TCF12: variants seen among roughly 807,000 people sequenced by gnomAD.
The protein encoded by TCF12 is transcription factor 12.
In TCF12, 45 loss-of-function variants were observed where a neutral mutation model predicts 86.0. The ratio of observed to expected loss-of-function variants is 0.52; its 90% CI spans 0.41 to 0.67. The LOEUF is 0.67. Ranked by LOEUF, TCF12 falls within the 30% of genes least tolerant of loss-of-function variation. TCF12 has a pLI of 0.00. For missense variants in TCF12, 881 were observed against 859.9 expected (o/e 1.02, Z -0.31); for synonymous variants, 330 against 299.6 (o/e 1.10, Z -1.05).
At chr15:57,064,060 T>C (rs2068661928) in intron 4 of TCF12, among the ~76,000 whole-genome samples, 1 of 152,238 alleles carries the variant, frequency 6.6e-6, no homozygotes, top group Non-Finnish European at 1.5e-5. Context: ...CTGCCTACAG[T>C]ACTCTACTAA....
intron 11 of TCF12, among the ~76,000 whole-genome samples, chr15:57,233,162 G>A (rs1274118316): frequency 2.0e-5 from 3 of 150,834 alleles, no homozygotes; most frequent in African/African-American, 7.3e-5. Context: ...ATATGTGTGT[G>A]TATATATATG....
chr15:57,010,158 C>T (rs2064734466), intron 3 of TCF12, among the ~76,000 whole-genome samples: 1 of 152,072 alleles, frequency 6.6e-6, no homozygotes, highest in African/African-American at 2.4e-5. Flanking sequence ...AAGTCCCCTC[C>T]CTTTTTTTTA....
intron 3 of TCF12, among the ~76,000 whole-genome samples, chr15:56,990,250 C>CGTGT (rs748684847): frequency 2.4e-3 from 299 of 126,358 alleles, no homozygotes; most frequent in African/African-American, 8.8e-3. Context: ...TCTGTGTGTG[C>CGTGT]GTGTGCGTGT....
chr15:57,040,529 C>A (rs1179993651), intron 3 of TCF12, among the ~76,000 whole-genome samples: 1 of 152,090 alleles, frequency 6.6e-6, no homozygotes, highest in East Asian at 1.9e-4. Context: ...TTCCTTTCCT[C>A]CAGAAGTGAT....
intron 3 of TCF12, among the ~76,000 whole-genome samples, chr15:56,997,862 A>G (rs147325774): frequency 2.4e-4 from 36 of 152,316 alleles, no homozygotes; most frequent in Non-Finnish European, 4.1e-4. Context: ...AAGTGAAAAG[A>G]TGGAAAAAGA....
At chr15:57,270,239 G>A (rs1361136817) in intron 18 of TCF12, among the ~76,000 whole-genome samples, 1 of 152,104 alleles carries the variant, frequency 6.6e-6, no homozygotes, top group African/African-American at 2.4e-5. Flanking sequence ...CATATTTCTT[G>A]GAGGCTTTGT....
chr15:56,922,869 A>G (rs2059852133), intron 3 of TCF12, among the ~76,000 whole-genome samples: 1 of 151,986 alleles, frequency 6.6e-6, no homozygotes, highest in Admixed American at 6.5e-5. Context: ...CAGTTCTTAA[A>G]GGGAATGTCT....
At chr15:57,222,453 A>T (rs1293578607) in intron 8 of TCF12, among the ~76,000 whole-genome samples, 2 of 152,040 alleles carry the variant, frequency 1.3e-5, no homozygotes, top group Non-Finnish European at 2.9e-5. Context: ...CTGCTTAAAA[A>T]GAGAAGGGGT....
At chr15:57,230,052 GTCTT>G (rs2059062352) in intron 8 of TCF12, among the ~76,000 whole-genome samples, 1 of 151,856 alleles carries the variant, frequency 6.6e-6, no homozygotes, top group Non-Finnish European at 1.5e-5. Flanking sequence ...TAAAGTAAAA[GTCTT>G]CCTTCCCAAT....
intron 5 of TCF12, among the ~76,000 whole-genome samples, chr15:57,123,439 G>A (rs1195204979): frequency 6.6e-6 from 1 of 151,782 alleles, no homozygotes; most frequent in African/African-American, 2.4e-5. Context: ...AAAGTATTTT[G>A]TTTGAAAGTC....
intron 12 of TCF12, among the ~76,000 whole-genome samples, chr15:57,241,618 T>C (rs1156398695): frequency 6.6e-6 from 1 of 152,224 alleles, no homozygotes; most frequent in Non-Finnish European, 1.5e-5. Flanking sequence ...CGTATTTTGT[T>C]TGAAGTGCAT....
At chr15:57,148,113 GGC>G (rs1394967343) in intron 5 of TCF12, among the ~76,000 whole-genome samples, 3 of 151,794 alleles carry the variant, frequency 2.0e-5, no homozygotes, top group African/African-American at 7.3e-5. Flanking sequence ...CAAACTCCTG[GGC>G]TCAAGCCATC....
chr15:57,185,931 T>TAGCTAGATTGACTGAGAAAAAAAAG (rs1311812901), intron 6 of TCF12, among the ~76,000 whole-genome samples: 1 of 152,014 alleles, frequency 6.6e-6, no homozygotes, highest in Admixed American at 6.6e-5. Context: ...GACAAACCTT[T>TAGCTAGATTGACTGAGAAAAAAAAG]AGCTAGATTG....
chr15:57,192,060 C>A, intron 6 of TCF12, 98 bp from the exon 7 acceptor site: 1 of 1,390,040 alleles, frequency 7.2e-7, no homozygotes, highest in Non-Finnish European at 9.9e-7. Flanking sequence ...TAAGTTAAGA[C>A]ATTGCTGAAG....
At chr15:57,121,444 G>A (rs184076436) in intron 5 of TCF12, among the ~76,000 whole-genome samples, 4 of 152,340 alleles carry the variant, frequency 2.6e-5, no homozygotes, top group East Asian at 3.9e-4. Flanking sequence ...GTTAAAAGGT[G>A]TAGTTGGCCT....
intron 5 of TCF12, among the ~76,000 whole-genome samples, chr15:57,121,955 A>G (rs1481845592): frequency 6.6e-6 from 1 of 152,174 alleles, no homozygotes; most frequent in East Asian, 1.9e-4. Flanking sequence ...GAGTGAACAC[A>G]GTATACCTAT....
chr15:57,042,595 G>T (rs902493609), intron 3 of TCF12, among the ~76,000 whole-genome samples: 1 of 151,976 alleles, frequency 6.6e-6, no homozygotes, highest in Non-Finnish European at 1.5e-5. Context: ...TAATTTTTTT[G>T]TGGAGACGGG....
intron 5 of TCF12, among the ~76,000 whole-genome samples, chr15:57,164,595 A>G (rs1177441415): frequency 6.6e-6 from 1 of 152,190 alleles, no homozygotes; most frequent in African/African-American, 2.4e-5. Flanking sequence ...TGTCGGGATT[A>G]TGGGATCTAC....
intron 8 of TCF12, among the ~76,000 whole-genome samples, chr15:57,212,450 T>C (rs940987641): frequency 3.3e-5 from 5 of 152,162 alleles, no homozygotes; most frequent in East Asian, 1.9e-4. Flanking sequence ...AGTGAATTTT[T>C]TAACTTTTTG....
Sources: gnomAD v4.1 joint callset for allele counts (sites outside exome capture counted in the v4.1 genomes callset) on GRCh38, gnomAD v4.1.1 for gene constraint, MANE v1.5 for transcripts, NCBI Gene and HGNC (gene_info 2026-07-23, HGNC 2026-07-21) for gene names.